The following DYM variants were observed in gnomAD, a reference collection of about 807,000 sequenced individuals.
DYM encodes the protein dyggve-Melchior-Clausen syndrome protein.
DYM carries 78 observed loss-of-function variants against 93.1 expected under a neutral mutation model. The ratio of observed to expected loss-of-function variants is 0.84; its 90% CI spans 0.70 to 1.01. The LOEUF is 1.01. Ranked by LOEUF, DYM falls within the 50% of genes least tolerant of loss-of-function variation. DYM has a pLI of 0.00. For missense variants in DYM, 789 were observed against 845.0 expected (o/e 0.93, Z 0.82); for synonymous variants, 321 against 319.7 (o/e 1.00, Z -0.04).
intron 5 of DYM, among the ~76,000 whole-genome samples, 158 bp from the exon 6 acceptor site, chr18:49,363,391 T>C (rs1042205301): frequency 1.3e-5 from 2 of 152,224 alleles, no homozygotes; most frequent in Non-Finnish European, 1.5e-5. Context: ...AAATCATGAA[T>C]AGGTTAGCAT....
At chr18:49,102,037 G>C (rs1029456190) in intron 16 of DYM, among the ~76,000 whole-genome samples, 2 of 152,172 alleles carry the variant, frequency 1.3e-5, no homozygotes, top group Non-Finnish European at 2.9e-5. Context: ...CCTGGTGTCG[G>C]ACTGCTTGGG....
At chr18:49,051,639 G>A (rs2072457291) in intron 17 of DYM, among the ~76,000 whole-genome samples, 1 of 152,198 alleles carries the variant, frequency 6.6e-6, no homozygotes, top group African/African-American at 2.4e-5. Context: ...TGTCCTGGAG[G>A]TTGACAATAG....
chr18:49,042,414 G>A lies in DYM; in HGVS notation c.*1641C>T, dbSNP rs2070994163. ...GGAAGCTTCCTGCCCTACCTCGACAGCCTCTAAGAGCACAGCTTGGCCAGG... is the reference window on the plus strand; with the variant it reads ...GGAAGCTTCCTGCCCTACCTCGACAACCTCTAAGAGCACAGCTTGGCCAGG... On this transcript the variant is annotated 3_prime_UTR_variant, in exon 18 of 18. Transcript: ENST00000675505. 6.6e-6 allele frequency: 1 copy of A among 152,390 alleles called. No individual in the cohort carries two copies. 9.4% of individuals were successfully genotyped at this position (152,390 alleles called of 1,614,324 possible).
chr18:49,371,760 AAAC>A (rs2067064692), intron 5 of DYM, among the ~76,000 whole-genome samples: 1 of 152,238 alleles, frequency 6.6e-6, no homozygotes, highest in African/African-American at 2.4e-5. Flanking sequence ...ACTGATTCTC[AAAC>A]GCATGGACTA....
chr18:49,069,377 G>A (rs1018618140), intron 17 of DYM, among the ~76,000 whole-genome samples: 1 of 152,128 alleles, frequency 6.6e-6, no homozygotes, highest in South Asian at 2.1e-4. Flanking sequence ...TCACCCACTC[G>A]CTATTCTCAA....
At chr18:49,255,821 G>C (rs971188275) in intron 13 of DYM, among the ~76,000 whole-genome samples, 1 of 152,046 alleles carries the variant, frequency 6.6e-6, no homozygotes, top group African/African-American at 2.4e-5. Context: ...ACCCCCATAT[G>C]CTAAAAAGCC....
In DYM at chr18:49,410,709, G is replaced by T. The variant is rs535031466; in HGVS notation, c.141-19064C>A. ...GCCTGTAGTCCCAGCTGCTCCTTGAGCCCTGGAGGTGGAGGCTGCAATGAG... is the reference window on the plus strand; with the variant it reads ...GCCTGTAGTCCCAGCTGCTCCTTGATCCCTGGAGGTGGAGGCTGCAATGAG... On this transcript the variant is annotated intron_variant, in intron 2 of 17. Coordinates refer to ENST00000675505, the MANE Select transcript of DYM (RefSeq NM_001353214.3). 5.3e-5 allele frequency among the ~76,000 whole-genome samples: 8 copies of T among 151,270 alleles called. No individual in the cohort carries two copies. In the South Asian group the frequency reaches 1.5e-3, roughly 28 times the overall value.
intron 6 of DYM, among the ~76,000 whole-genome samples, chr18:49,338,057 T>C (rs1332743738): frequency 2.6e-5 from 4 of 152,082 alleles, no homozygotes; most frequent in African/African-American, 4.8e-5. Context: ...AGAAGTTAGA[T>C]TAAAACAGTT....
chr18:49,375,385 T>C (rs1249702584), intron 5 of DYM, among the ~76,000 whole-genome samples: 2 of 152,048 alleles, frequency 1.3e-5, no homozygotes, highest in Non-Finnish European at 2.9e-5. Flanking sequence ...TGGTACAGTA[T>C]CTGAAATTTA....
intron 1 of DYM, among the ~76,000 whole-genome samples, chr18:49,436,840 T>C (rs1262922286): frequency 6.6e-6 from 1 of 152,136 alleles, no homozygotes; most frequent in South Asian, 2.1e-4. Context: ...TCAAAAGAAA[T>C]GAAAATCATA....
chr18:49,432,329 C>CAAAAAAAAA (rs11429840), intron 1 of DYM, among the ~76,000 whole-genome samples: 53 of 75,584 alleles, frequency 7.0e-4, no homozygotes, highest in Non-Finnish European at 7.8e-4. Flanking sequence ...AAGACTGTCT[C>CAAAAAAAAA]AAAAAAAAAA....
At chr18:49,238,339 G>C (rs1055066333) in intron 13 of DYM, among the ~76,000 whole-genome samples, 2 of 152,082 alleles carry the variant, frequency 1.3e-5, no homozygotes. Context: ...TGAAATTTGT[G>C]AATGCATCAT....
chr18:49,119,745 A>T (rs1402262158), intron 15 of DYM, among the ~76,000 whole-genome samples: 1 of 152,204 alleles, frequency 6.6e-6, no homozygotes, highest in Non-Finnish European at 1.5e-5. Flanking sequence ...AGCTATGTAC[A>T]TATAATGTAA....
intron 17 of DYM, among the ~76,000 whole-genome samples, chr18:49,053,291 G>A (rs1025168441): frequency 5.9e-5 from 9 of 152,316 alleles, no homozygotes; most frequent in Admixed American, 3.3e-4. Context: ...CCCACAGGAA[G>A]TTCAGTGAAC....
chr18:49,270,506 T>C (rs188008187), intron 11 of DYM, among the ~76,000 whole-genome samples: 1 of 152,284 alleles, frequency 6.6e-6, no homozygotes. Flanking sequence ...ATGTATAATA[T>C]GAGGACTATA....
In DYM at chr18:49,354,027, C is replaced by A. The variant is rs186540119; in HGVS notation, c.494+9134G>T. On this transcript the variant is annotated intron_variant, in intron 6 of 17. Coordinates refer to ENST00000675505, the MANE Select transcript of DYM (RefSeq NM_001353214.3). ...AAGGACTGGAATTATCCTTCAAGAC[C>A]TACTACAAGGCTACAGTAATCAAGA... Among the ~76,000 whole-genome samples, 6 of 152,078 alleles carry A rather than the reference C, an allele frequency of 3.9e-5. No homozygotes were observed. The East Asian group carries it at 1.2e-3, about 29-fold the overall frequency.
intron 11 of DYM, among the ~76,000 whole-genome samples, chr18:49,261,217 G>A (rs1021433933): frequency 3.3e-5 from 5 of 151,948 alleles, no homozygotes; most frequent in South Asian, 2.1e-4. Flanking sequence ...GGTGGCTTCC[G>A]TACACATATT....
At chr18:49,101,729 C>A (rs1323065063) in intron 16 of DYM, among the ~76,000 whole-genome samples, 1 of 152,106 alleles carries the variant, frequency 6.6e-6, no homozygotes, top group Non-Finnish European at 1.5e-5. Context: ...AGTTTCCCCT[C>A]AAGTTACTGT....
chr18:49,303,466 AGAAGGCT>A (rs2061073901), intron 8 of DYM, among the ~76,000 whole-genome samples: 1 of 152,220 alleles, frequency 6.6e-6, no homozygotes, highest in Non-Finnish European at 1.5e-5. Context: ...AGCTTTCAAA[AGAAGGCT>A]GCCTATGACC....
Sources: gnomAD v4.1 joint callset for allele counts (sites outside exome capture counted in the v4.1 genomes callset) on GRCh38, gnomAD v4.1.1 for gene constraint, MANE v1.5 for transcripts, NCBI Gene and HGNC (gene_info 2026-07-23, HGNC 2026-07-21) for gene names.